Variants in GPM6A observed in about 807,000 individuals in gnomAD.
GPM6A encodes neuronal membrane glycoprotein M6-a.
GPM6A carries 7 observed loss-of-function variants against 32.1 expected under a neutral mutation model. The observed-to-expected ratio is 0.22, with a 90% confidence interval of 0.12 to 0.41. The LOEUF (loss-of-function observed/expected upper bound fraction) is 0.41, where lower values mean the gene tolerates loss of function less well. Ranked by LOEUF, GPM6A falls within the 10% of genes least tolerant of loss-of-function variation. The pLI is 1.00. For synonymous variants in GPM6A, 130 were observed against 123.4 expected, an observed-to-expected ratio of 1.05 and a Z score of -0.35; for missense variants, 235 against 347.2, an observed-to-expected ratio of 0.68 and a Z score of 2.57.
At chr4:175,830,282 AAT>A (rs1165971064) in intron 1 of GPM6A, among the ~76,000 whole-genome samples, 1 of 152,138 alleles carries the variant, frequency 6.6e-6, no homozygotes, top group African/African-American at 2.4e-5. Context: ...GGTTGTGTTA[AAT>A]GCCACAGTCT....
intron 6 of GPM6A, among the ~76,000 whole-genome samples, chr4:175,637,693 A>G (rs1315559241): frequency 1.1e-3 from 2 of 1,784 alleles, no homozygotes; most frequent in Admixed American, 7.8e-3. Flanking sequence ...ATAATATATA[A>G]TATATTATAT....
chr4:175,731,603 T>G (rs1226533797), intron 1 of GPM6A, among the ~76,000 whole-genome samples: 1 of 152,234 alleles, frequency 6.6e-6, no homozygotes, highest in Non-Finnish European at 1.5e-5. Context: ...TTAAAGCATC[T>G]GAAAAGCACT....
rs912635114 is a variant in GPM6A at position 175,721,050 on chromosome 4, A to G, written c.38-19283T>C. On this transcript the variant is annotated intron_variant, in intron 1 of 6. Transcript: ENST00000393658. ...ACTAGTACATATATATTATATATATATATGTACTAGTATATATATATTACT... is the reference window on the plus strand; with the variant it reads ...ACTAGTACATATATATTATATATATGTATGTACTAGTATATATATATTACT... 5.2e-5 allele frequency among the ~76,000 whole-genome samples: 7 copies of G among 135,704 alleles called. No homozygotes were observed. In the Admixed American group the frequency reaches 5.5e-4, roughly 11 times the overall value. 89.0% of individuals were successfully genotyped at this position (135,704 alleles called of 152,430 possible).
chr4:175,827,281 A>C (rs1735468736), intron 1 of GPM6A, among the ~76,000 whole-genome samples: 1 of 152,222 alleles, frequency 6.6e-6, no homozygotes, highest in African/African-American at 2.4e-5. Flanking sequence ...AGACCACCCG[A>C]TATAACTCAT....
At chr4:175,889,600 C>G (rs189128505) in intron 1 of GPM6A, among the ~76,000 whole-genome samples, 1 of 151,242 alleles carries the variant, frequency 6.6e-6, no homozygotes, top group African/African-American at 2.4e-5. Context: ...TGGATCACAA[C>G]GTCAGGAGAT....
intron 1 of GPM6A, among the ~76,000 whole-genome samples, chr4:175,749,683 C>T (rs1010589607): frequency 6.6e-6 from 1 of 152,138 alleles, no homozygotes; most frequent in Non-Finnish European, 1.5e-5. Flanking sequence ...TTCTGTAGGA[C>T]ACCACTTACG....
At chr4:175,962,364 T>C in intron 1 of GPM6A, 1 of 774,082 alleles carries the variant, frequency 1.3e-6, no homozygotes, top group Non-Finnish European at 2.4e-6. Context: ...TTCATCTAGC[T>C]CCCTGTTGCT....
intron 1 of GPM6A, among the ~76,000 whole-genome samples, chr4:175,845,224 G>T (rs1386410063): frequency 6.6e-6 from 1 of 152,076 alleles, no homozygotes. Flanking sequence ...CTATGTAAAT[G>T]AGATATAGGA....
intron 1 of GPM6A, among the ~76,000 whole-genome samples, chr4:175,777,237 T>C (rs919526675): frequency 6.6e-6 from 1 of 152,096 alleles, no homozygotes; most frequent in Non-Finnish European, 1.5e-5. Context: ...GTGAGCAAGG[T>C]CCTGACATAT....
At chr4:175,842,091 T>A (rs17062143) in intron 1 of GPM6A, among the ~76,000 whole-genome samples, 3,865 of 152,252 alleles carry the variant, frequency 0.025, 151 homozygotes, top group African/African-American at 0.086. Flanking sequence ...TTTTTGGTGT[T>A]GCATAGATAA....
chr4:175,762,120 G>A (rs1732770985), intron 1 of GPM6A, among the ~76,000 whole-genome samples: 1 of 152,154 alleles, frequency 6.6e-6, no homozygotes, highest in African/African-American at 2.4e-5. Context: ...GTCTGAAAAA[G>A]ATTAGGAGTT....
At chr4:175,797,009 T>G (rs1734259816) in intron 1 of GPM6A, among the ~76,000 whole-genome samples, 1 of 152,156 alleles carries the variant, frequency 6.6e-6, no homozygotes. Flanking sequence ...AAGTACTCAA[T>G]TCTCTCAGAT....
chr4:175,947,760 A>G (rs527582293), intron 1 of GPM6A: 2 of 152,320 alleles, frequency 1.3e-5, no homozygotes, highest in South Asian at 4.1e-4. Context: ...TGCACAATCA[A>G]TATTACTACT....
chr4:175,757,223 C>T (rs967274531), intron 1 of GPM6A, among the ~76,000 whole-genome samples: 3 of 152,042 alleles, frequency 2.0e-5, no homozygotes, highest in African/African-American at 4.8e-5. Flanking sequence ...CACAGGCATT[C>T]CCGTCTAAAC....
chr4:175,704,353 G>A (rs934595085), intron 1 of GPM6A, among the ~76,000 whole-genome samples: 11 of 151,038 alleles, frequency 7.3e-5, no homozygotes, highest in Admixed American at 3.3e-4. Flanking sequence ...ACGTGTGCAC[G>A]CCCCCCCACC....
rs73008131 is a variant in GPM6A at position 175,834,912 on chromosome 4, G to A, written c.-22-22663C>T. Among the ~76,000 whole-genome samples, 711 of 152,260 alleles carry A rather than the reference G, an allele frequency of 4.7e-3. 5 individuals carry two copies. The highest frequency in any genetic ancestry group is 0.016 in the African/African-American group (656 of 41,552). Reference sequence around the variant, plus strand: ...ATCCCTGGTATTTACACTGAGTCAAGAGCTCCCTTACCAGCCACATGGCAC... The same window carrying A: ...ATCCCTGGTATTTACACTGAGTCAAAAGCTCCCTTACCAGCCACATGGCAC... On this transcript the variant is annotated intron_variant, in intron 1 of 7. Transcript: ENST00000280187.
chr4:175,893,671 T>C (rs1186270905), intron 1 of GPM6A, among the ~76,000 whole-genome samples: 3 of 152,094 alleles, frequency 2.0e-5, no homozygotes, highest in Non-Finnish European at 4.4e-5. Context: ...ATAAGACAGG[T>C]GGGGATGATA....
chr4:175,754,481 AT>A (rs1732454781), intron 1 of GPM6A, among the ~76,000 whole-genome samples: 1 of 152,184 alleles, frequency 6.6e-6, no homozygotes, highest in South Asian at 2.1e-4. Context: ...TTCATGTTAA[AT>A]TTGTATTTCT....
At chr4:175,986,728 C>T (rs886823344) in intron 1 of GPM6A, among the ~76,000 whole-genome samples, 5 of 151,900 alleles carry the variant, frequency 3.3e-5, no homozygotes, top group Admixed American at 6.6e-5. Context: ...TATCTTATTT[C>T]CCCAGCAAAT....
Sources: allele counts gnomAD v4.1 joint callset (sites outside exome capture counted in the v4.1 genomes callset), GRCh38; gene constraint gnomAD v4.1.1; transcripts MANE v1.5; gene names NCBI Gene and HGNC (gene_info 2026-07-23, HGNC 2026-07-21).